SLC12A2: variants seen among roughly 807,000 people sequenced by gnomAD.
SLC12A2 encodes Na-K-2Cl cotransporter 1.
In SLC12A2, 67 loss-of-function variants were observed where a neutral mutation model predicts 136.3. That is an observed-to-expected ratio of 0.49 (90% CI 0.40 to 0.60). The LOEUF is 0.60. Among genes scored for constraint, SLC12A2 ranks in the 20% least tolerant of loss-of-function variants. The pLI is 0.00. For synonymous variants in SLC12A2, 619 were observed against 562.9 expected, an observed-to-expected ratio of 1.10 and a Z score of -1.41; for missense variants, 1,322 against 1,534.7, an observed-to-expected ratio of 0.86 and a Z score of 2.32.
chr5:128,094,444 A>G (rs1311369067), intron 1 of SLC12A2, among the ~76,000 whole-genome samples: 1 of 151,994 alleles, frequency 6.6e-6, no homozygotes, highest in Non-Finnish European at 1.5e-5. Flanking sequence ...ATAGACATGC[A>G]GAGCTAGCAT....
chr5:128,106,447 T>C (rs567977565), intron 1 of SLC12A2, among the ~76,000 whole-genome samples: 1 of 152,222 alleles, frequency 6.6e-6, no homozygotes, highest in Non-Finnish European at 1.5e-5. Context: ...ACAAAAGATG[T>C]GTCTTCCACT....
chr5:128,166,903 T>G (rs1763222691), intron 17 of SLC12A2, among the ~76,000 whole-genome samples: 1 of 152,040 alleles, frequency 6.6e-6, no homozygotes, highest in South Asian at 2.1e-4. Flanking sequence ...AAATCTTAGA[T>G]TGAGTGAATT....
At chr5:128,099,427 C>G (rs1581056757) in intron 1 of SLC12A2, among the ~76,000 whole-genome samples, 1 of 152,066 alleles carries the variant, frequency 6.6e-6, no homozygotes, top group East Asian at 1.9e-4. Context: ...AATGTAAAGG[C>G]CTAACACATT....
intron 4 of SLC12A2, among the ~76,000 whole-genome samples, chr5:128,116,212 G>A (rs1761344378): frequency 6.6e-6 from 1 of 152,064 alleles, no homozygotes; most frequent in Non-Finnish European, 1.5e-5. Context: ...AATCTAGGCT[G>A]TGAGCCTCAA....
chr5:128,165,653 A>C (rs1469444226), intron 17 of SLC12A2, among the ~76,000 whole-genome samples: 1 of 152,214 alleles, frequency 6.6e-6, no homozygotes, highest in Admixed American at 6.5e-5. Flanking sequence ...CAAAGGATTT[A>C]GGGATGAGAG....
chr5:128,112,881 A>G lies in SLC12A2; in HGVS notation c.824A>G (p.Tyr275Cys). Reference sequence around the variant, plus strand: ...CCAACCAGAGATGCTGTGGTCACGTATACTGCAGAAAGTAAAGGAGTCGTG... The same window carrying G: ...CCAACCAGAGATGCTGTGGTCACGTGTACTGCAGAAAGTAAAGGAGTCGTG... ...STPTRDAVVT[Y>C]TAESKGVVKF... The change falls in exon 2 of 27, where the codon TAT (tyrosine) becomes TGT (cysteine). Residue 275 changes from tyrosine to cysteine, a missense_variant. Tyr to Cys is a radical substitution (Grantham distance 194, BLOSUM62 -2). Around this residue, in one of 8 missense-constraint regions of SLC12A2, gnomAD observed 59 missense variants for 51.5 expected, o/e 1.15. Transcript: ENST00000262461. The G allele has an allele frequency of 6.2e-7, 1 of 1,613,342 alleles. No homozygotes were observed. Among genetic ancestry groups the G allele is most frequent in the South Asian group, 1.1e-5 (1 of 90,996 alleles).
At chr5:128,133,292 G>T (rs1358426981) in intron 5 of SLC12A2, among the ~76,000 whole-genome samples, 4 of 152,156 alleles carry the variant, frequency 2.6e-5, no homozygotes, top group Non-Finnish European at 5.9e-5. Flanking sequence ...CACTTTCTAT[G>T]CCTTCAGTTG....
intron 1 of SLC12A2, among the ~76,000 whole-genome samples, chr5:128,101,776 T>C (rs1245563301): frequency 6.6e-6 from 1 of 152,210 alleles, no homozygotes; most frequent in Non-Finnish European, 1.5e-5. Context: ...ATTAAATTTT[T>C]AGTGTCAGAG....
intron 1 of SLC12A2, chr5:128,110,030 A>G: frequency 1.9e-6 from 2 of 1,066,918 alleles, no homozygotes; most frequent in Non-Finnish European, 2.9e-6. Context: ...TCCCAAAAAG[A>G]CTTGGACAGA....
chr5:128,083,988 GC>G lies in SLC12A2; in HGVS notation c.38del (p.Pro13ArgfsTer129). Reference sequence around the variant, plus strand: ...GCGGCCCACGGCGCCCTCCTCCGGCGCCCCGGGACTGGCCGGGGTCGGGGAG... The same window carrying G: ...GCGGCCCACGGCGCCCTCCTCCGGCGCCCGGGACTGGCCGGGGTCGGGGAG... ...EPRPTAPSSG[A>X]PGLAGVGETP... is the part of the protein sequence containing the mutation. On this transcript the variant is annotated frameshift_variant, in exon 1 of 27. Coordinates refer to ENST00000262461, the MANE Select transcript of SLC12A2 (RefSeq NM_001046.3). LOFTEE classifies it high-confidence loss of function. 8.0e-7 allele frequency: 1 copy of G among 1,243,236 alleles called. No individual in the cohort carries two copies. Among genetic ancestry groups the G allele is most frequent in the South Asian group, 3.2e-5 (1 of 30,882 alleles). 77.0% of individuals were successfully genotyped at this position (1,243,236 alleles called of 1,614,324 possible).
rs556521016 is a variant in SLC12A2 at position 128,171,564 on chromosome 5, G to A, written c.2724-103G>A. On this transcript the variant is annotated intron_variant, in intron 18 of 26. Transcript: ENST00000262461. The stretch of plus-strand genomic sequence containing the variant: ...TTTTAAAAATCAGACGTTTAAAGCC[G>A]AAAGTAATTTTAGAGATCATCTATT... The A allele has an allele frequency of 1.8e-4, 130 of 734,640 alleles. 1 individual carries two copies. The highest frequency in any genetic ancestry group is 1.0e-3 in the African/African-American group (57 of 54,390). The allele number at this position is 734,640 out of a possible 1,614,324, so 45.5% of individuals were successfully genotyped here.
At chr5:128,088,403 TA>T (rs1760184041) in intron 1 of SLC12A2, among the ~76,000 whole-genome samples, 3 of 151,940 alleles carry the variant, frequency 2.0e-5, no homozygotes, top group Admixed American at 1.3e-4. Context: ...CAAGAAGAAA[TA>T]AAAGGTGGAG....
At chr5:128,109,592 A>C (rs1458377804) in intron 1 of SLC12A2, 1 of 729,604 alleles carries the variant, frequency 1.4e-6, no homozygotes, top group African/African-American at 1.7e-5. Flanking sequence ...ATGGGGACCC[A>C]GGTTAAAAGC....
At chr5:128,185,710 A>C (rs1389168262) in intron 26 of SLC12A2, among the ~76,000 whole-genome samples, 1 of 152,168 alleles carries the variant, frequency 6.6e-6, no homozygotes, top group Admixed American at 6.5e-5. Context: ...TCTGTTTTCT[A>C]AATTTTGATA....
chr5:128,167,606 A>G (rs1010488236), intron 17 of SLC12A2, among the ~76,000 whole-genome samples, 155 bp from the exon 18 acceptor site: 3 of 152,138 alleles, frequency 2.0e-5, no homozygotes, highest in African/African-American at 4.8e-5. Flanking sequence ...GGAATAGTAT[A>G]TGTAATTTAT....
intron 4 of SLC12A2, among the ~76,000 whole-genome samples, chr5:128,130,405 C>T (rs976056199): frequency 5.3e-5 from 8 of 151,558 alleles, no homozygotes; most frequent in African/African-American, 1.5e-4. Flanking sequence ...GTTCCAGCTA[C>T]TCAGGAGGCT....
intron 1 of SLC12A2, among the ~76,000 whole-genome samples, chr5:128,095,832 T>G (rs1760515369): frequency 6.6e-6 from 1 of 152,144 alleles, no homozygotes; most frequent in Non-Finnish European, 1.5e-5. Flanking sequence ...TCCTGGTGAT[T>G]CTTAGAGAGG....
At chr5:128,155,954 T>C (rs1762857434) in intron 15 of SLC12A2, among the ~76,000 whole-genome samples, 1 of 152,094 alleles carries the variant, frequency 6.6e-6, no homozygotes, top group East Asian at 1.9e-4. Flanking sequence ...CTTTAAACTC[T>C]TCTATTAAAT....
intron 1 of SLC12A2, among the ~76,000 whole-genome samples, chr5:128,092,150 G>T (rs978282826): frequency 6.6e-6 from 1 of 152,044 alleles, no homozygotes; most frequent in African/African-American, 2.4e-5. Flanking sequence ...TTCTAAATAG[G>T]TATTACTCTG....
Sources: allele counts gnomAD v4.1 joint callset (sites outside exome capture counted in the v4.1 genomes callset), GRCh38; gene constraint gnomAD v4.1.1; regional missense constraint gnomAD v4.1.1; transcripts MANE v1.5; gene names NCBI Gene and HGNC (gene_info 2026-07-23, HGNC 2026-07-21).